The following MXRA7 variants were observed in gnomAD, a reference collection of about 807,000 sequenced individuals.
MXRA7 encodes matrix-remodeling-associated protein 7.
MXRA7 carries 18 observed loss-of-function variants against 17.4 expected under a neutral mutation model. The observed-to-expected ratio is 1.03, with a 90% CI of 0.71 to 1.53. MXRA7 has a LOEUF of 1.53. MXRA7 is among the 40% of genes most tolerant of loss of function. The pLI, the probability that MXRA7 is intolerant of heterozygous loss-of-function variation, is 0.00. For synonymous variants in MXRA7, 70 were observed against 101.7 expected (o/e 0.69, Z 1.87); for missense variants, 141 against 209.3 (o/e 0.67, Z 2.01).
chr17:76,673,364 A>G (rs893337894), exon 4 of MXRA7: 3 of 152,284 alleles, frequency 2.0e-5, no homozygotes, highest in Non-Finnish European at 4.4e-5. Flanking sequence ...CACATAGGAT[A>G]CTGGGGCCTA....
At chr17:76,700,704 G>A (rs1017234067) in intron 1 of MXRA7, among the ~76,000 whole-genome samples, 7 of 152,224 alleles carry the variant, frequency 4.6e-5, no homozygotes, top group Non-Finnish European at 8.8e-5. Flanking sequence ...CCTGCTCTCC[G>A]GAACAGGCGT....
Position 76,680,725 on chromosome 17 carries a change from G to A in MXRA7, c.*142C>T. 1 of 1,469,418 alleles carries A rather than the reference G, an allele frequency of 6.8e-7. No homozygotes were observed. Among genetic ancestry groups the A allele is most frequent in the Non-Finnish European group, 9.0e-7 (1 of 1,111,250 alleles). 91.0% of individuals were successfully genotyped at this position (1,469,418 alleles called of 1,614,324 possible). A position where few individuals can be genotyped will look rare whatever the true frequency, so the allele number is the denominator to read the frequency against. On this transcript the variant is annotated 3_prime_UTR_variant, in exon 4 of 4. Coordinates refer to ENST00000449428, the MANE Select transcript of MXRA7 (RefSeq NM_198530.4). ...AGCCAAGGGACAAGTCCTGATTGAGGGTCTAGAGCTCAGCAGATTTATGGA... is the reference window on the plus strand; with the variant it reads ...AGCCAAGGGACAAGTCCTGATTGAGAGTCTAGAGCTCAGCAGATTTATGGA...
At chr17:76,704,229 G>A (rs75118211) in intron 1 of MXRA7, among the ~76,000 whole-genome samples, 42,240 of 104,204 alleles carry the variant, frequency 0.41, 9,399 homozygotes, top group Non-Finnish European at 0.43. Flanking sequence ...TTTTTGAGAC[G>A]GAGTCTCACT....
chr17:76,700,063 G>A (rs1211434062), intron 1 of MXRA7, among the ~76,000 whole-genome samples: 2 of 152,096 alleles, frequency 1.3e-5, no homozygotes, highest in Non-Finnish European at 2.9e-5. Context: ...GGGTTCAAGC[G>A]ATTCTCCTGC....
chr17:76,699,035 A>G (rs758359552), intron 1 of MXRA7, among the ~76,000 whole-genome samples: 1 of 151,508 alleles, frequency 6.6e-6, no homozygotes, highest in Non-Finnish European at 1.5e-5. Context: ...CTTCCTTTCT[A>G]TTCTGAATTC....
intron 1 of MXRA7, among the ~76,000 whole-genome samples, chr17:76,693,948 TAAA>T (rs2076505321): frequency 6.6e-6 from 1 of 152,316 alleles, no homozygotes; most frequent in South Asian, 2.1e-4. Context: ...GACACCTAAT[TAAA>T]AAAAGCTTGA....
At chr17:76,692,635 TAAAA>T (rs35115981) in intron 1 of MXRA7, among the ~76,000 whole-genome samples, 1 of 142,676 alleles carries the variant, frequency 7.0e-6, no homozygotes, top group Non-Finnish European at 1.5e-5. Flanking sequence ...CTAGTATTGT[TAAAA>T]AAAAAAAAAA....
chr17:76,695,352 A>G, intron 1 of MXRA7, among the ~76,000 whole-genome samples: 1 of 27,086 alleles, frequency 3.7e-5, no homozygotes, highest in African/African-American at 1.4e-4. Context: ...CTTTAGCTTC[A>G]GGTGTGTGTG....
intron 1 of MXRA7, among the ~76,000 whole-genome samples, chr17:76,707,399 G>C (rs987132415): frequency 5.4e-5 from 8 of 147,238 alleles, no homozygotes; most frequent in Non-Finnish European, 5.9e-5. Flanking sequence ...TCAGCCTCCT[G>C]GGTTCAAGTG....
At chr17:76,708,216 T>G (rs909994947) in intron 1 of MXRA7, among the ~76,000 whole-genome samples, 1 of 152,332 alleles carries the variant, frequency 6.6e-6, no homozygotes, top group South Asian at 2.1e-4. Flanking sequence ...ATCAGCTTTG[T>G]AGTCAGAGGC....
chr17:76,684,620 A>G (rs1013800724), intron 3 of MXRA7: 13 of 396,586 alleles, frequency 3.3e-5, no homozygotes, highest in African/African-American at 2.1e-4. Flanking sequence ...GCGCTGCTGC[A>G]GGCGCCGGCC....
In MXRA7 at chr17:76,697,189, C is replaced by T. The variant is rs115882793; in HGVS notation, c.343-9013G>A. Reference sequence around the variant, plus strand: ...AGGGTGGGCCCTAACCCAAGGACTGCTGTCCTTATAAGAGGAAACTCGGAC... The same window carrying T: ...AGGGTGGGCCCTAACCCAAGGACTGTTGTCCTTATAAGAGGAAACTCGGAC... On this transcript the variant is annotated intron_variant, in intron 1 of 3. Transcript: ENST00000449428. 9.1e-3 allele frequency among the ~76,000 whole-genome samples: 1,391 copies of T among 152,286 alleles called. 26 individuals are homozygous for T. Among genetic ancestry groups the T allele is most frequent in the African/African-American group, 0.031 (1,299 of 41,556 alleles).
chr17:76,701,739 C>G (rs569813367), intron 1 of MXRA7, among the ~76,000 whole-genome samples: 1 of 152,206 alleles, frequency 6.6e-6, no homozygotes, highest in East Asian at 1.9e-4. Flanking sequence ...CGACCCCATC[C>G]GGGCCCCAAC....
At chr17:76,685,428 T>C (rs2076379820) in intron 2 of MXRA7, among the ~76,000 whole-genome samples, 1 of 152,178 alleles carries the variant, frequency 6.6e-6, no homozygotes, top group East Asian at 1.9e-4. Context: ...ACATCTGCAG[T>C]GCTCTGCCTT....
At chr17:76,707,291 C>CTTTTTTTTTTTTTTTTTTTTTTTT (rs56067261) in intron 1 of MXRA7, among the ~76,000 whole-genome samples, 1 of 96,092 alleles carries the variant, frequency 1.0e-5, no homozygotes, top group Non-Finnish European at 1.9e-5. Flanking sequence ...AGTCCCTACT[C>CTTTTTTTTTTTTTTTTTTTTTTTT]TTTTTTTTTT....
chr17:76,679,287 C>CAAAAAAAGGA (rs370919160), downstream of MXRA7, among the ~76,000 whole-genome samples: 1 of 121,682 alleles, frequency 8.2e-6, no homozygotes, highest in African/African-American at 3.6e-5. Flanking sequence ...GGCCCTGTCT[C>CAAAAAAAGGA]AAAAAAAAAA....
At chr17:76,685,606 C>T (rs2143602187) in intron 2 of MXRA7, among the ~76,000 whole-genome samples, 1 of 152,354 alleles carries the variant, frequency 6.6e-6, no homozygotes. Context: ...AAACACGCAT[C>T]CAGGCAGCCC....
intron 1 of MXRA7, among the ~76,000 whole-genome samples, chr17:76,705,616 C>G (rs1376852054): frequency 6.6e-6 from 1 of 152,090 alleles, no homozygotes; most frequent in Non-Finnish European, 1.5e-5. Context: ...GAGATTTAGA[C>G]GAGGTCACGA....
rs1293275197 is a variant in MXRA7, at chr17:76,680,014, A to G, written c.*853T>C. 1.1e-6 allele frequency: 1 copy of G among 870,748 alleles called. No homozygotes were observed. The highest frequency in any genetic ancestry group is 2.0e-5 in the African/African-American group (1 of 50,690). The allele number at this position is 870,748 out of a possible 1,614,324, so 53.9% of individuals were successfully genotyped here. On this transcript the variant is annotated 3_prime_UTR_variant, in exon 4 of 4. Coordinates refer to ENST00000449428, the MANE Select transcript of MXRA7 (RefSeq NM_198530.4). The stretch of plus-strand genomic sequence containing the variant: ...CCTAAGAACTGCAAATGAGTTTGGT[A>G]TAGTATAAATATTGTCAAATATAAA...
Sources: gnomAD v4.1 joint callset for allele counts (sites outside exome capture counted in the v4.1 genomes callset) on GRCh38, gnomAD v4.1.1 for gene constraint, MANE v1.5 for transcripts, NCBI Gene and HGNC (gene_info 2026-07-23, HGNC 2026-07-21) for gene names.